Variants in CDKN2B-AS1 observed in about 807,000 individuals in gnomAD.
CDKN2B-AS1 encodes CDKN2B and CDKN2A antisense cis and trans regulatory RNA 1, also known as CDKN2B antisense RNA 1 (non-protein coding).
chr9:22,048,246 C>T (rs1335096072), intron 2 of CDKN2B-AS1, among the ~76,000 whole-genome samples: 2 of 152,120 alleles, frequency 1.3e-5, no homozygotes, highest in African/African-American at 4.8e-5. Flanking sequence ...GAAGTGTGTG[C>T]CTCTAAGGTG....
chr9:22,097,816 C>T (rs76515956), intron 4 of CDKN2B-AS1, among the ~76,000 whole-genome samples: 1,560 of 152,282 alleles, frequency 0.01, 30 homozygotes, highest in African/African-American at 0.034. Flanking sequence ...AAGGAGATAA[C>T]ATCTTCACAG....
intron 3 of CDKN2B-AS1, among the ~76,000 whole-genome samples, chr9:22,051,462 AC>A: frequency 6.6e-6 from 1 of 152,116 alleles, no homozygotes; most frequent in South Asian, 2.1e-4. Flanking sequence ...GATTTCATAA[AC>A]CCCAGACTCC....
intron 1 of CDKN2B-AS1, among the ~76,000 whole-genome samples, chr9:22,028,865 T>C (rs939843778): frequency 6.6e-6 from 1 of 152,150 alleles, no homozygotes; most frequent in East Asian, 1.9e-4. Context: ...AATAAATTAC[T>C]AAAGTATAAT....
intron 4 of CDKN2B-AS1, among the ~76,000 whole-genome samples, chr9:22,069,976 AT>A (rs1824221621): frequency 1.3e-5 from 2 of 151,886 alleles, no homozygotes; most frequent in South Asian, 4.1e-4. Context: ...GATTCTTTCT[AT>A]TTTTTGGGAA....
At chr9:22,009,925 A>G (rs1406781168) in intron 1 of CDKN2B-AS1, among the ~76,000 whole-genome samples, 1 of 152,208 alleles carries the variant, frequency 6.6e-6, no homozygotes, top group African/African-American at 2.4e-5. Flanking sequence ...CATTATGGAT[A>G]CAACCCTTAA....
At chr9:22,074,129 G>A (rs1824404820) in intron 4 of CDKN2B-AS1, among the ~76,000 whole-genome samples, 1 of 152,106 alleles carries the variant, frequency 6.6e-6, no homozygotes, top group Non-Finnish European at 1.5e-5. Flanking sequence ...TCCCAAATGA[G>A]AAGGATTACA....
intron 4 of CDKN2B-AS1, among the ~76,000 whole-genome samples, chr9:22,062,379 A>G (rs1380459978): frequency 6.6e-6 from 1 of 152,218 alleles, no homozygotes; most frequent in African/African-American, 2.4e-5. Context: ...CCTGGCACTA[A>G]TACCTCATTT....
At chr9:22,014,463 C>A (rs1029058103) in intron 1 of CDKN2B-AS1, among the ~76,000 whole-genome samples, 1 of 152,024 alleles carries the variant, frequency 6.6e-6, no homozygotes, top group Non-Finnish European at 1.5e-5. Flanking sequence ...CTGTGCCTGG[C>A]CTGGAATATT....
At chr9:22,008,912 G>A (rs772284792) in intron 1 of CDKN2B-AS1, 3 of 1,612,848 alleles carry the variant, frequency 1.9e-6, no homozygotes, top group South Asian at 2.2e-5. Flanking sequence ...GACCCTCATC[G>A]CTGCCGCCCC....
intron 4 of CDKN2B-AS1, among the ~76,000 whole-genome samples, chr9:22,112,640 A>C (rs72654240): frequency 6.6e-6 from 1 of 152,192 alleles, no homozygotes; most frequent in Non-Finnish European, 1.5e-5. Flanking sequence ...ATAATTCTTC[A>C]CTATATTGCT....
intron 4 of CDKN2B-AS1, among the ~76,000 whole-genome samples, chr9:22,062,449 G>A (rs1823859473): frequency 1.3e-5 from 2 of 152,152 alleles, no homozygotes; most frequent in South Asian, 4.1e-4. Flanking sequence ...ATTTAGGTTG[G>A]TGTTATGTTT....
intron 3 of CDKN2B-AS1, among the ~76,000 whole-genome samples, chr9:22,052,811 G>C (rs10757267): frequency 0.58 from 88,898 of 152,068 alleles, 26,915 homozygotes; most frequent in African/African-American, 0.7. Context: ...CTAATCTTTT[G>C]GGGGGTTCCC....
At chr9:22,003,063 C>T (rs1820992353) in intron 1 of CDKN2B-AS1, 2 of 212,646 alleles carry the variant, frequency 9.4e-6, no homozygotes, top group African/African-American at 2.3e-5. Flanking sequence ...AAGCAGGACT[C>T]ATGAAAATAG....
At chr9:22,109,002 T>C (rs1825734278) in intron 4 of CDKN2B-AS1, among the ~76,000 whole-genome samples, 2 of 152,222 alleles carry the variant, frequency 1.3e-5, no homozygotes, top group South Asian at 4.1e-4. Flanking sequence ...AAGCTGCTCT[T>C]CCTTTATTTA....
Position 22,005,960 on chromosome 9 carries a change from C to T in CDKN2B-AS1, n.29+10799C>T, listed in dbSNP as rs761761620. ...GGGAAATTGGGTAAGAAAATAAAGT[C>T]GTTGTGGGCGGCTGGGGAACCTGGC... On this transcript the variant is annotated intron_variant and non_coding_transcript_variant, in intron 1 of 4. Coordinates refer to ENST00000650946, the Ensembl canonical transcript of CDKN2B-AS1. The surrounding 1 kb of genome is among the most constrained non-coding windows in gnomAD (Gnocchi z 4.9). 3 of 1,598,336 alleles carry T rather than the reference C, an allele frequency of 1.9e-6. No homozygotes were observed. The highest frequency in any genetic ancestry group is 3.3e-5 in the Admixed American group (2 of 59,890).
intron 1 of CDKN2B-AS1, among the ~76,000 whole-genome samples, chr9:22,018,610 G>A (rs1488579490): frequency 6.6e-6 from 1 of 152,166 alleles, no homozygotes. Flanking sequence ...GTGCACTCGG[G>A]CCACTGCCGT....
At chr9:22,016,092 T>G (rs1821742843) in intron 1 of CDKN2B-AS1, among the ~76,000 whole-genome samples, 1 of 152,200 alleles carries the variant, frequency 6.6e-6, no homozygotes, top group African/African-American at 2.4e-5. Context: ...AGAAGCTCTT[T>G]AGTTTAATTA....
At chr9:22,124,445 T>C (rs1817987824) in intron 4 of CDKN2B-AS1, among the ~76,000 whole-genome samples, 1 of 152,222 alleles carries the variant, frequency 6.6e-6, no homozygotes, top group South Asian at 2.1e-4. Context: ...CAGACAGGGC[T>C]GTGGGACAAG....
In CDKN2B-AS1 at chr9:22,103,315, G is replaced by A. The variant is rs10965233; in HGVS notation, n.439-23788G>A. On this transcript the variant is annotated intron_variant and non_coding_transcript_variant, in intron 4 of 4. Transcript: ENST00000650946. ...GTTTAGTGTTGCCCTGCTAAGATCT[G>A]GATTTTCTTTTCTGGAGCTTGGCTA... Among the ~76,000 whole-genome samples the A allele has an allele frequency of 1.6e-3, 247 of 152,204 alleles. 5 individuals are homozygous for A. In the East Asian group the frequency reaches 0.044, roughly 27 times the overall value.
Sources: allele counts gnomAD v4.1 joint callset (sites outside exome capture counted in the v4.1 genomes callset), GRCh38; gene constraint gnomAD v4.1.1; non-coding constraint Gnocchi (gnomAD v3.1); transcripts MANE v1.5; gene names NCBI Gene and HGNC (gene_info 2026-07-23, HGNC 2026-07-21).